Variants in ASAP2 observed in about 807,000 individuals in gnomAD.
ASAP2 encodes arf-GAP with SH3 domain, ANK repeat and PH domain-containing protein 2.
A neutral mutation model predicts 131.4 loss-of-function variants in ASAP2; 45 were observed. The observed-to-expected ratio is 0.34, with a 90% CI of 0.27 to 0.44. ASAP2 has a LOEUF of 0.44. Ranked by LOEUF, ASAP2 falls within the 20% of genes least tolerant of loss-of-function variation. ASAP2 has a pLI of 1.00. For missense variants in ASAP2, 1,011 were observed against 1,297.0 expected, an observed-to-expected ratio of 0.78 and a Z score of 3.39; for synonymous variants, 510 against 503.0, an observed-to-expected ratio of 1.01 and a Z score of -0.19.
chr2:9,271,232 A>G (rs1666371588), intron 1 of ASAP2: 1 of 676,388 alleles, frequency 1.5e-6, no homozygotes, highest in South Asian at 1.8e-5. Flanking sequence ...CAGAAGGGAA[A>G]TTCTACTCAT....
intron 11 of ASAP2, among the ~76,000 whole-genome samples, chr2:9,346,672 C>CCTT (rs1227103703): frequency 1.3e-5 from 2 of 152,170 alleles, no homozygotes; most frequent in African/African-American, 2.4e-5. Context: ...TGCCTCAGTG[C>CCTT]AGAAACTGTC....
intron 1 of ASAP2, among the ~76,000 whole-genome samples, chr2:9,231,154 G>A (rs1663133036): frequency 6.6e-6 from 1 of 152,236 alleles, no homozygotes; most frequent in African/African-American, 2.4e-5. Flanking sequence ...ATGGGGGAAA[G>A]GCAGTGGCTG....
In ASAP2 at chr2:9,393,499, C is replaced by T. The variant is rs762299157; in HGVS notation, c.2536C>T (p.Pro846Ser). 32 of 1,605,958 alleles carry T rather than the reference C, an allele frequency of 2.0e-5. No individual in the cohort carries two copies. In the South Asian group the frequency reaches 3.5e-4, roughly 17 times the overall value. The change falls in exon 24 of 28, where the codon CCG becomes TCG. Residue 846 changes from proline to serine, a missense_variant. Coordinates refer to ENST00000281419, the MANE Select transcript of ASAP2 (RefSeq NM_003887.3). Reference sequence around the variant, plus strand: ...CTCCGCAGATCCCCTGACCCCCACGCCGCCCCCACCCGTTGCCAAGACGCC... The same window carrying T: ...CTCCGCAGATCCCCTGACCCCCACGTCGCCCCCACCCGTTGCCAAGACGCC... ...VTSTNPLTPT[P>S]PPPVAKTPSV...
intron 16 of ASAP2, among the ~76,000 whole-genome samples, chr2:9,372,949 A>AT (rs1674098011): frequency 1.3e-5 from 2 of 152,146 alleles, no homozygotes; most frequent in South Asian, 2.1e-4. Flanking sequence ...CTGGGAATTG[A>AT]TTTTTTTCTT....
In ASAP2 at chr2:9,234,112, A is replaced by G. The variant is rs200706880; in HGVS notation, c.126+26882A>G. On this transcript the variant is annotated intron_variant, in intron 1 of 27. Transcript: ENST00000281419. Reference sequence around the variant, plus strand: ...GGTGACAGAGCGAAGCTATGTCTCAAAAAAAAAAAAAAAAAAAAAGGAAGA... The same window carrying G: ...GGTGACAGAGCGAAGCTATGTCTCAGAAAAAAAAAAAAAAAAAAAGGAAGA... 1.1e-3 allele frequency among the ~76,000 whole-genome samples: 51 copies of G among 45,434 alleles called. 1 individual carries two copies. In the East Asian group the frequency reaches 0.015, roughly 13 times the overall value. 29.8% of individuals were successfully genotyped at this position (45,434 alleles called of 152,430 possible). A position where few individuals can be genotyped will look rare whatever the true frequency, so the allele number is the denominator to read the frequency against.
intron 1 of ASAP2, among the ~76,000 whole-genome samples, chr2:9,254,298 A>T (rs13009593): frequency 8.8e-6 from 1 of 113,350 alleles, no homozygotes; most frequent in Non-Finnish European, 1.7e-5. Context: ...TGTTATAATT[A>T]TTCTATTAGT....
intron 2 of ASAP2, among the ~76,000 whole-genome samples, chr2:9,288,079 C>T (rs1667579942): frequency 6.6e-6 from 1 of 152,112 alleles, no homozygotes; most frequent in African/African-American, 2.4e-5. Flanking sequence ...TCATAGACAT[C>T]AGTAAAAATA....
chr2:9,225,189 T>C (rs1662674884), intron 1 of ASAP2, among the ~76,000 whole-genome samples: 1 of 152,184 alleles, frequency 6.6e-6, no homozygotes, highest in South Asian at 2.1e-4. Context: ...ACCTGCAAAG[T>C]CTAAAATATT....
At chr2:9,243,606 A>G (rs969659500) in intron 1 of ASAP2, among the ~76,000 whole-genome samples, 1 of 152,246 alleles carries the variant, frequency 6.6e-6, no homozygotes, top group Non-Finnish European at 1.5e-5. Flanking sequence ...AACCAAAGAT[A>G]TAACTGTATT....
Position 9,268,767 on chromosome 2 carries a change from G to A in ASAP2, c.127-10550G>A, listed in dbSNP as rs750389510. ...TTCTTCTCAGGCTGGCCTTTCGTCC[G>A]TGGAACGAGGGGAGAGGAGATAGGA... On this transcript the variant is annotated intron_variant, in intron 1 of 27. Coordinates refer to ENST00000281419, the MANE Select transcript of ASAP2 (RefSeq NM_003887.3). This position sits in a 1 kb window ranked among gnomAD's most constrained non-coding sequence, Gnocchi z 4.1. 2.6e-5 allele frequency among the ~76,000 whole-genome samples: 4 copies of A among 152,212 alleles called. No individual in the cohort carries two copies. The highest frequency in any genetic ancestry group is 4.8e-5 in the African/African-American group (2 of 41,450).
intron 1 of ASAP2, among the ~76,000 whole-genome samples, chr2:9,272,258 G>A (rs1187107614): frequency 1.3e-5 from 2 of 152,152 alleles, no homozygotes; most frequent in Non-Finnish European, 2.9e-5. Flanking sequence ...CATTTTAACT[G>A]GGGTGAGATT....
At chr2:9,305,547 A>ATAGATATTGGTGGAGAGG (rs1668848317) in intron 3 of ASAP2, among the ~76,000 whole-genome samples, 1 of 139,886 alleles carries the variant, frequency 7.1e-6, no homozygotes, top group Admixed American at 7.1e-5. Flanking sequence ...ATAGTGGGGT[A>ATAGATATTGGTGGAGAGG]CAGATATTGG....
chr2:9,210,593 C>T (rs1375322942), intron 1 of ASAP2, among the ~76,000 whole-genome samples: 2 of 151,470 alleles, frequency 1.3e-5, no homozygotes, highest in African/African-American at 2.4e-5. Context: ...CTCGCTCTGT[C>T]GCCCAGGCTG....
At chr2:9,388,222 C>T (rs1032689991) in intron 21 of ASAP2, 72 bp from the exon 22 acceptor site, 37 of 1,585,612 alleles carry the variant, frequency 2.3e-5, no homozygotes, top group Non-Finnish European at 3.1e-5. Context: ...GTTTTCACCC[C>T]TGTGTTGAAT....
At chr2:9,377,905 T>C (rs1400042315) in intron 18 of ASAP2, among the ~76,000 whole-genome samples, 1 of 152,106 alleles carries the variant, frequency 6.6e-6, no homozygotes, top group Non-Finnish European at 1.5e-5. Context: ...ATGCCCCATC[T>C]CTGAGTGCCA....
intron 7 of ASAP2, among the ~76,000 whole-genome samples, chr2:9,328,430 T>G (rs947015567): frequency 3.3e-5 from 5 of 152,180 alleles, no homozygotes; most frequent in Non-Finnish European, 7.3e-5. Context: ...TTTTGGCTCT[T>G]TTTGTAGAGG....
At chr2:9,273,520 G>C (rs527334451) in intron 1 of ASAP2, among the ~76,000 whole-genome samples, 1 of 152,198 alleles carries the variant, frequency 6.6e-6, no homozygotes. Context: ...AGTAATTCAC[G>C]CAGAGCCAGC....
At chr2:9,351,968 C>A (rs759393286) in intron 12 of ASAP2, among the ~76,000 whole-genome samples, 3 of 152,178 alleles carry the variant, frequency 2.0e-5, no homozygotes, top group Non-Finnish European at 4.4e-5. Flanking sequence ...GTGTCAAACA[C>A]CCATCCTGAC....
At chr2:9,224,183 A>C (rs1662608892) in intron 1 of ASAP2, among the ~76,000 whole-genome samples, 1 of 152,038 alleles carries the variant, frequency 6.6e-6, no homozygotes, top group South Asian at 2.1e-4. Context: ...GAGGGAAGGG[A>C]GGATTGCCTA....
Sources: gnomAD v4.1 joint callset for allele counts (sites outside exome capture counted in the v4.1 genomes callset) on GRCh38, gnomAD v4.1.1 for gene constraint, Gnocchi (gnomAD v3.1) non-coding constraint, MANE v1.5 for transcripts, NCBI Gene and HGNC (gene_info 2026-07-23, HGNC 2026-07-21) for gene names.